WNT6: variants seen among roughly 807,000 people sequenced by gnomAD.
The protein encoded by WNT6 is Wnt family member 6.
Under a neutral mutation model 33.1 loss-of-function variants are expected in WNT6, and 27 were observed. That is an observed-to-expected ratio of 0.82 (90% CI 0.60 to 1.12). The LOEUF (loss-of-function observed/expected upper bound fraction) is 1.12. WNT6 is among the 50% of genes most tolerant of loss of function. The pLI is 0.00. For synonymous variants in WNT6, 249 were observed against 242.8 expected (o/e 1.03, Z -0.24); for missense variants, 494 against 535.3 (o/e 0.92, Z 0.76).
In WNT6 at chr2:218,873,300, C is replaced by A; in HGVS notation, c.637-84C>A. On this transcript the variant is annotated intron_variant, in intron 3 of 3. Transcript: ENST00000233948. This position sits in a 1 kb window ranked among gnomAD's most constrained non-coding sequence, Gnocchi z 6.1. ...CCTCTCTTCCTTTCACCTCCCATTC[C>A]CAATCTTATTTTCTGTCCATCCGCT... 7.4e-7 allele frequency: 1 copy of A among 1,342,408 alleles called. No individual in the cohort carries two copies. Among genetic ancestry groups the A allele is most frequent in the East Asian group, 2.6e-5 (1 of 38,502 alleles). The allele number at this position is 1,342,408 out of a possible 1,614,324, so 83.2% of individuals were successfully genotyped here.
In WNT6 at chr2:218,873,609, G is replaced by T. The variant is rs751610006; in HGVS notation, c.862G>T (p.Ala288Ser). 6.4e-7 allele frequency: 1 copy of T among 1,565,650 alleles called. No individual in the cohort carries two copies. The highest frequency in any genetic ancestry group is 8.6e-7 in the Non-Finnish European group (1 of 1,161,814). ...GGGCCGAGCGGACCTCCTCTACGCC[G>T]CCGATTCGCCCGACTTCTGCGCCCC... ...PPGRADLLYAADSPDFCAPNR... is the reference protein window; with the variant it reads ...PPGRADLLYASDSPDFCAPNR... The change falls in exon 4 of 4, where the codon GCC (alanine) becomes TCC (serine). Residue 288 changes from alanine (A) to serine (S), a missense_variant. Ala to Ser is a moderately conservative substitution (Grantham distance 99). Coordinates refer to ENST00000233948, the MANE Select transcript of WNT6 (RefSeq NM_006522.4). This position sits in a 1 kb window ranked among gnomAD's most constrained non-coding sequence, Gnocchi z 6.1.
chr2:218,873,810 T>A lies in WNT6; in HGVS notation c.1063T>A (p.Cys355Ser). The A allele has an allele frequency of 6.5e-7, 1 of 1,545,090 alleles. No homozygotes were observed. The stretch of plus-strand genomic sequence containing the variant: ...GTGCTGCGTAGTACAGTGCCACCGC[T>A]GCCGTGTGCGCAAGGAGCTCAGCCT... ...HWCCVVQCHR[C>S]RVRKELSLCL The change falls in exon 4 of 4, where the codon TGC (cysteine) becomes AGC (serine). Residue 355 changes from cysteine (C) to serine (S), a missense_variant. Physicochemically the swap from Cys to Ser is moderately radical, Grantham distance 112. Transcript: ENST00000233948. The surrounding 1 kb of genome is among the most constrained non-coding windows in gnomAD (Gnocchi z 6.1).
chr2:218,860,811 GGGC>G (rs1416060403), intron 1 of WNT6, among the ~76,000 whole-genome samples: 1 of 151,796 alleles, frequency 6.6e-6, no homozygotes, highest in Admixed American at 6.6e-5. Context: ...CAAGGGAAGG[GGGC>G]GTCTTCCCAG....
intron 1 of WNT6, among the ~76,000 whole-genome samples, chr2:218,862,811 TCTC>T (rs1346595614): frequency 6.6e-6 from 1 of 152,130 alleles, no homozygotes; most frequent in Non-Finnish European, 1.5e-5. Context: ...CTCAAATGAT[TCTC>T]CTGCCTCAGC....
intron 1 of WNT6, among the ~76,000 whole-genome samples, chr2:218,870,681 G>C (rs1205640548): frequency 1.3e-5 from 2 of 152,098 alleles, no homozygotes; most frequent in Non-Finnish European, 2.9e-5. Flanking sequence ...TCTTTTCCTT[G>C]TCACCCTTTT....
At position 218,871,592 on chromosome 2, in the gene WNT6, C is replaced by T. The variant is rs781657115; in HGVS notation, c.409C>T (p.Pro137Ser). 1 of 1,520,700 alleles carries T rather than the reference C, an allele frequency of 6.6e-7. No homozygotes were observed. The highest frequency in any genetic ancestry group is 8.7e-7 in the Non-Finnish European group (1 of 1,143,288). The allele number at this position is 1,520,700 out of a possible 1,614,324, so 94.2% of individuals were successfully genotyped here. A position where few individuals can be genotyped will look rare whatever the true frequency, so the allele number is the denominator to read the frequency against. ...GELLQCGCQA[P>S]RGRAPPRPSG... is the part of the protein sequence containing the mutation. ...GCTGCTGCAGTGCGGCTGCCAGGCG[C>T]CCCGCGGGCGGGCCCCTCCCCGGCC... is the stretch of plus-strand genomic sequence containing the variant. Residue 137 changes from proline to serine, a missense_variant, in exon 3 of 4, where the codon CCC becomes TCC. Coordinates refer to ENST00000233948, the MANE Select transcript of WNT6 (RefSeq NM_006522.4). The surrounding 1 kb of genome is among the most constrained non-coding windows in gnomAD (Gnocchi z 6.4).
chr2:218,862,215 G>T (rs986428300), intron 1 of WNT6, among the ~76,000 whole-genome samples: 1 of 152,082 alleles, frequency 6.6e-6, no homozygotes, highest in Non-Finnish European at 1.5e-5. Flanking sequence ...GAGGAGTGAG[G>T]GGTCCCAGTG....
chr2:218,861,891 A>G (rs191790917), intron 1 of WNT6, among the ~76,000 whole-genome samples: 142 of 152,266 alleles, frequency 9.3e-4, no homozygotes, highest in African/African-American at 3.1e-3. Flanking sequence ...ACAGTCCTTT[A>G]GGTCTCTCTT....
At chr2:218,862,116 G>A (rs1944314538) in intron 1 of WNT6, among the ~76,000 whole-genome samples, 1 of 152,140 alleles carries the variant, frequency 6.6e-6, no homozygotes. Context: ...CCCTGAAGCT[G>A]GGAAGAAGGG....
Position 218,871,738 on chromosome 2 carries a change from C to T in WNT6, c.555C>T (p.Leu185=), listed in dbSNP as rs775409871. 1.5e-5 allele frequency: 24 copies of T among 1,602,596 alleles called. 1 individual carries two copies. The South Asian group carries it at 2.1e-4, about 14-fold the overall frequency. Residue 185 remains leucine (L), a synonymous_variant, in exon 3 of 4, where the codon CTC becomes CTT. Transcript: ENST00000233948. The surrounding 1 kb of genome is among the most constrained non-coding windows in gnomAD (Gnocchi z 6.4). The part of the protein sequence containing the change: ...DVDFGDEKSR[L]FMDARHKRGR... ...ACTTCGGGGACGAGAAGTCGAGGCT[C>T]TTTATGGACGCGCGGCACAAGCGGG...
chr2:218,873,974 GCT>G lies in WNT6; in HGVS notation c.*132_*133del. On this transcript the variant is annotated 3_prime_UTR_variant, in exon 4 of 4. Transcript: ENST00000233948. This position sits in a 1 kb window ranked among gnomAD's most constrained non-coding sequence, Gnocchi z 6.1. Reference sequence around the variant, plus strand: ...TCCCTGCCAAAGCCCAACTCCCAGGGCTCTGGAAATGGTGAGGCGAGGGGCTT... The same window carrying G: ...TCCCTGCCAAAGCCCAACTCCCAGGGCTGGAAATGGTGAGGCGAGGGGCTT... 1 of 1,052,526 alleles carries G rather than the reference GCT, an allele frequency of 9.5e-7. No homozygotes were observed. The highest frequency in any genetic ancestry group is 1.9e-5 in the South Asian group (1 of 53,510). The allele number at this position is 1,052,526 out of a possible 1,614,324, so 65.2% of individuals were successfully genotyped here.
rs745952229 is a variant in WNT6 at position 218,873,670 on chromosome 2, G to A, written c.923G>A (p.Arg308His). The A allele has an allele frequency of 2.3e-5, 37 of 1,582,248 alleles. No homozygotes were observed. Among genetic ancestry groups the A allele is most frequent in the Non-Finnish European group, 2.7e-5 (32 of 1,171,570 alleles). Residue 308 changes from arginine to histidine, a missense_variant, in exon 4 of 4, where the codon CGC becomes CAC. Transcript: ENST00000233948. The surrounding 1 kb of genome is among the most constrained non-coding windows in gnomAD (Gnocchi z 6.1). ...ACCGGCTCCCCCGGCACGCGCGGTC[G>A]CGCCTGCAATAGCAGCGCCCCGGAC... ...RRTGSPGTRG[R>H]ACNSSAPDLS...
At chr2:218,864,564 GC>G (rs1306283539) in intron 1 of WNT6, among the ~76,000 whole-genome samples, 3 of 152,144 alleles carry the variant, frequency 2.0e-5, no homozygotes. Context: ...ACCGCGCCCA[GC>G]CCTGTTTTAT....
chr2:218,869,103 G>T (rs911859648), intron 1 of WNT6, among the ~76,000 whole-genome samples: 2 of 152,160 alleles, frequency 1.3e-5, no homozygotes, highest in East Asian at 1.9e-4. Flanking sequence ...CCAGTGCTGG[G>T]CTGGTCTTAA....
chr2:218,866,181 G>A (rs1462969996), intron 1 of WNT6, among the ~76,000 whole-genome samples: 2 of 152,150 alleles, frequency 1.3e-5, no homozygotes, highest in Non-Finnish European at 2.9e-5. Context: ...ACAGCCCCAG[G>A]GCTCAGGGCT....
intron 1 of WNT6, among the ~76,000 whole-genome samples, chr2:218,863,803 C>T (rs1376798313): frequency 6.6e-6 from 1 of 152,134 alleles, no homozygotes; most frequent in East Asian, 1.9e-4. Context: ...GAACCGAGAT[C>T]CATGCCACTG....
rs1944423155 is a variant in WNT6, at chr2:218,873,466, T to C, written c.719T>C (p.Leu240Pro). Reference protein sequence around the residue: ...SCALRTCWQKLPPFREVGARL... With the variant: ...SCALRTCWQKPPPFREVGARL... ...GCGCTGCGCACCTGCTGGCAGAAGCTGCCTCCATTTCGCGAGGTGGGCGCG... is the reference window on the plus strand; with the variant it reads ...GCGCTGCGCACCTGCTGGCAGAAGCCGCCTCCATTTCGCGAGGTGGGCGCG... The change falls in exon 4 of 4, where the codon CTG (leucine) becomes CCG (proline). Residue 240 changes from leucine to proline, a missense_variant. Physicochemically the swap from Leu to Pro is moderately conservative, Grantham distance 98. Transcript: ENST00000233948. The surrounding 1 kb of genome is among the most constrained non-coding windows in gnomAD (Gnocchi z 6.1). The C allele has an allele frequency of 4.5e-6, 7 of 1,538,898 alleles. No homozygotes were observed. The highest frequency in any genetic ancestry group is 6.1e-6 in the Non-Finnish European group (7 of 1,146,658).
At position 218,871,914 on chromosome 2, in the gene WNT6, AG is replaced by A. The variant is rs1944406070; in HGVS notation, c.636+97del. On this transcript the variant is annotated intron_variant, in intron 3 of 3. Coordinates refer to ENST00000233948, the MANE Select transcript of WNT6 (RefSeq NM_006522.4). This position sits in a 1 kb window ranked among gnomAD's most constrained non-coding sequence, Gnocchi z 6.4. ...AGTGTTGGCAGGAGTGAGGGTGTGT[AG>A]GTGGAGGGGGGCGTTAATGTGTGGG... 1 of 663,370 alleles carries A rather than the reference AG, an allele frequency of 1.5e-6. No homozygotes were observed. The highest frequency in any genetic ancestry group is 2.1e-6 in the Non-Finnish European group (1 of 479,994). 41.1% of individuals were successfully genotyped at this position (663,370 alleles called of 1,614,324 possible).
In WNT6 at chr2:218,871,525, C is replaced by G. The variant is rs749322330; in HGVS notation, c.342C>G (p.Ala114=). 1 of 1,597,168 alleles carries G rather than the reference C, an allele frequency of 6.3e-7. No individual in the cohort carries two copies. The highest frequency in any genetic ancestry group is 1.7e-5 in the Admixed American group (1 of 59,852). The change falls in exon 3 of 4, where the codon GCC becomes GCG. Residue 114 remains alanine (A), a synonymous_variant. Transcript: ENST00000233948. This position sits in a 1 kb window ranked among gnomAD's most constrained non-coding sequence, Gnocchi z 6.4. The part of the protein sequence containing the change: ...ETAFVFAITA[A]GASHAVTQAC... ...CCTTCGTGTTCGCCATCACTGCGGC[C>G]GGCGCCAGCCACGCCGTCACGCAGG...
Sources: allele counts gnomAD v4.1 joint callset (sites outside exome capture counted in the v4.1 genomes callset), GRCh38; gene constraint gnomAD v4.1.1; non-coding constraint Gnocchi (gnomAD v3.1); transcripts MANE v1.5; gene names NCBI Gene and HGNC (gene_info 2026-07-23, HGNC 2026-07-21).